The following APTX variants were observed in gnomAD, a reference collection of about 807,000 sequenced individuals.
APTX encodes forkhead-associated domain histidine triad-like protein.
In APTX, 33 loss-of-function variants were observed where a neutral mutation model predicts 42.3. The observed-to-expected ratio is 0.78, with a 90% CI of 0.59 to 1.04. The LOEUF (loss-of-function observed/expected upper bound fraction) is 1.04, where lower values mean the gene tolerates loss of function less well. Ranked by LOEUF, APTX falls within the 50% of genes least tolerant of loss-of-function variation. APTX has a pLI of 0.00. For synonymous variants in APTX, 130 were observed against 146.7 expected, an observed-to-expected ratio of 0.89 and a Z score of 0.82; for missense variants, 421 against 415.1, an observed-to-expected ratio of 1.01 and a Z score of -0.12.
intron 6 of APTX, among the ~76,000 whole-genome samples, chr9:32,982,561 C>G (rs1830924489): frequency 6.6e-6 from 1 of 152,042 alleles, no homozygotes; most frequent in South Asian, 2.1e-4. Context: ...ATCACCTTTT[C>G]CTTTCTAATA....
chr9:33,004,408 C>CTTAG (rs1836973900), upstream of APTX, among the ~76,000 whole-genome samples: 1 of 152,138 alleles, frequency 6.6e-6, no homozygotes, highest in African/African-American at 2.4e-5. Context: ...CCATTTGTAC[C>CTTAG]CCTAAAGCCA....
chr9:32,973,447 G>A lies in APTX; in HGVS notation c.*51C>T. ...CACAAGCAACCCAGAATAGGTGCCA[G>A]CAGTTTGCTCCAGTGGGCCACACCA... On this transcript the variant is annotated 3_prime_UTR_variant, in exon 8 of 8. Transcript: ENST00000379817. The A allele has an allele frequency of 6.3e-7, 1 of 1,595,712 alleles. No individual in the cohort carries two copies. The highest frequency in any genetic ancestry group is 8.6e-7 in the Non-Finnish European group (1 of 1,164,722).
intron 6 of APTX, among the ~76,000 whole-genome samples, chr9:32,977,640 G>T (rs945145938): frequency 1.3e-5 from 2 of 152,130 alleles, no homozygotes; most frequent in East Asian, 3.9e-4. Context: ...AGACCAGCCT[G>T]GCCAATATGA....
intron 1 of APTX, 160 bp from the exon 2 acceptor site, chr9:32,990,055 A>G: frequency 1.2e-6 from 1 of 818,330 alleles, no homozygotes; most frequent in Non-Finnish European, 2.0e-6. Flanking sequence ...ATAAACCATG[A>G]TAATGATGGG....
intron 6 of APTX, among the ~76,000 whole-genome samples, chr9:32,976,404 A>G (rs931902861): frequency 7.9e-5 from 12 of 152,248 alleles, no homozygotes; most frequent in African/African-American, 2.7e-4. Context: ...TACTTGCTGT[A>G]GCCCATGTGT....
chr9:32,995,635 C>G (rs1418852418), intron 1 of APTX, among the ~76,000 whole-genome samples: 4 of 152,150 alleles, frequency 2.6e-5, no homozygotes, highest in Non-Finnish European at 5.9e-5. Context: ...CACCTGTAAT[C>G]CCAGCACTTT....
At chr9:33,007,023 AGAAAG>A (rs1564000107) in intron 1 of APTX, among the ~76,000 whole-genome samples, 1 of 116,660 alleles carries the variant, frequency 8.6e-6, no homozygotes, top group African/African-American at 3.4e-5. Context: ...AAAAAAAAAA[AGAAAG>A]AAAGAAAGAA....
chr9:32,999,307 G>A (rs567221977), intron 1 of APTX, among the ~76,000 whole-genome samples: 1 of 152,342 alleles, frequency 6.6e-6, no homozygotes, highest in East Asian at 1.9e-4. Flanking sequence ...GTGAGGAAAT[G>A]GAGGCAGAGT....
At chr9:33,021,685 G>T (rs117820340) in intron 1 of APTX, among the ~76,000 whole-genome samples, 5 of 151,814 alleles carry the variant, frequency 3.3e-5, no homozygotes, top group Non-Finnish European at 2.9e-5. Flanking sequence ...GTTGGGGGGC[G>T]GATTTCACAT....
At chr9:33,013,587 A>G (rs977043407) in intron 1 of APTX, among the ~76,000 whole-genome samples, 2 of 152,328 alleles carry the variant, frequency 1.3e-5, no homozygotes, top group African/African-American at 2.4e-5. Flanking sequence ...CGGGCAGATC[A>G]CAAGGTCAGG....
At chr9:33,021,084 G>A (rs564829405) in intron 1 of APTX, among the ~76,000 whole-genome samples, 14 of 150,692 alleles carry the variant, frequency 9.3e-5, no homozygotes, top group African/African-American at 2.9e-4. Flanking sequence ...AGCCGAGATG[G>A]CTCCATTGCA....
At chr9:32,987,426 C>G in intron 4 of APTX, 118 bp downstream of exon 4, 1 of 1,365,768 alleles carries the variant, frequency 7.3e-7, no homozygotes, top group Non-Finnish European at 1.0e-6. Flanking sequence ...ACAAGTGACT[C>G]TTTCATCATG....
At chr9:33,000,996 C>T (rs1416497595) in intron 1 of APTX, among the ~76,000 whole-genome samples, 1 of 151,664 alleles carries the variant, frequency 6.6e-6, no homozygotes, top group African/African-American at 2.4e-5. Context: ...TACAGGCATG[C>T]GCCACCACAC....
exon 1 of APTX, chr9:33,025,075 G>T (rs1463082160): frequency 6.6e-6 from 1 of 152,576 alleles, no homozygotes; most frequent in Non-Finnish European, 1.5e-5. Context: ...AAGGGCTCCA[G>T]AAGATTCCAC....
intron 1 of APTX, among the ~76,000 whole-genome samples, chr9:32,996,028 AC>A (rs541042799): frequency 6.6e-5 from 10 of 152,254 alleles, no homozygotes; most frequent in African/African-American, 2.4e-4. Flanking sequence ...GGCTCAGGTG[AC>A]TATTAGCAAT....
At chr9:32,973,764 G>C in intron 7 of APTX, 112 bp from the exon 8 acceptor site, 1 of 1,391,524 alleles carries the variant, frequency 7.2e-7, no homozygotes, top group South Asian at 1.2e-5. Flanking sequence ...TGCCAGGCCA[G>C]GTATTCTACA....
chr9:33,024,126 T>C (rs1838641218), intron 1 of APTX, among the ~76,000 whole-genome samples: 1 of 152,252 alleles, frequency 6.6e-6, no homozygotes, highest in African/African-American at 2.4e-5. Flanking sequence ...TGTTGACTTG[T>C]TTGGCTTCTC....
At chr9:33,018,120 T>G (rs1428117336) in intron 1 of APTX, among the ~76,000 whole-genome samples, 1 of 149,226 alleles carries the variant, frequency 6.7e-6, no homozygotes, top group Non-Finnish European at 1.5e-5. Context: ...TTTATTTAAT[T>G]TTTTTTTTTT....
Position 32,983,245 on chromosome 9 carries a change from G to A in APTX, c.770+1386C>T, listed in dbSNP as rs138087892. ...CACACATGAATCTCAAAATTATGCT[G>A]ACCCAAAAAAGCCAGACCAAAAAAG... On this transcript the variant is annotated intron_variant, in intron 6 of 7. Coordinates refer to ENST00000379817, the MANE Select transcript of APTX (RefSeq NM_001195248.2). Among the ~76,000 whole-genome samples the A allele has an allele frequency of 1.1e-4, 16 of 152,202 alleles. No homozygotes were observed. In the East Asian group the frequency reaches 2.7e-3, roughly 26 times the overall value.
Sources: allele counts gnomAD v4.1 joint callset (sites outside exome capture counted in the v4.1 genomes callset), GRCh38; gene constraint gnomAD v4.1.1; transcripts MANE v1.5; gene names NCBI Gene and HGNC (gene_info 2026-07-23, HGNC 2026-07-21).